The following UBR3 variants were observed in gnomAD, a reference collection of about 807,000 sequenced individuals.
The protein encoded by UBR3 is ubiquitin protein ligase E3 component n-recognin 3, also known as E3 ubiquitin-protein ligase UBR3.
In UBR3, 85 loss-of-function variants were observed where a neutral mutation model predicts 243.2. The ratio of observed to expected loss-of-function variants is 0.35; its 90% CI spans 0.29 to 0.42. The LOEUF (loss-of-function observed/expected upper bound fraction) is 0.42, where lower values mean the gene tolerates loss of function less well. Ranked by LOEUF, UBR3 falls within the 10% of genes least tolerant of loss-of-function variation. The pLI is 1.00. For synonymous variants in UBR3, 748 were observed against 799.8 expected (o/e 0.94, Z 1.09); for missense variants, 1,686 against 2,300.8 (o/e 0.73, Z 5.47).
rs1180235083 is a variant in UBR3, at chr2:169,986,639, C to T, written c.3635-6C>T. ...GAATTAAAGAGATGTAACTTTTTTCCCTCAGATTCTCCTGAGAATGATATT... is the reference window on the plus strand; with the variant it reads ...GAATTAAAGAGATGTAACTTTTTTCTCTCAGATTCTCCTGAGAATGATATT... On this transcript the variant is annotated splice_region_variant and splice_polypyrimidine_tract_variant and intron_variant, in intron 24 of 38. Transcript: ENST00000272793. The T allele has an allele frequency of 2.5e-6, 4 of 1,596,736 alleles. No homozygotes were observed. Among genetic ancestry groups the T allele is most frequent in the Non-Finnish European group, 2.6e-6 (3 of 1,173,376 alleles).
At position 169,852,718 on chromosome 2, in the gene UBR3, G is replaced by A. The variant is rs377708901; in HGVS notation, c.546-19518G>A. 1.1e-4 allele frequency among the ~76,000 whole-genome samples: 16 copies of A among 151,412 alleles called. No homozygotes were observed. The East Asian group carries it at 3.1e-3, about 29-fold the overall frequency. ...AAAAAAAAAAAAGCTGGGTGTGGTG[G>A]CAGATGCCTGTAATCCCAGCTATTC... On this transcript the variant is annotated intron_variant, in intron 1 of 38. Coordinates refer to ENST00000272793, the MANE Select transcript of UBR3 (RefSeq NM_172070.4).
At chr2:169,926,179 C>T (rs961464364) in intron 14 of UBR3, among the ~76,000 whole-genome samples, 4 of 152,212 alleles carry the variant, frequency 2.6e-5, no homozygotes, top group African/African-American at 9.6e-5. Context: ...GCATGACAGG[C>T]ATTTTCCCAA....
chr2:170,071,438 G>C (rs555878511), intron 35 of UBR3, among the ~76,000 whole-genome samples: 1 of 152,192 alleles, frequency 6.6e-6, no homozygotes, highest in African/African-American at 2.4e-5. Context: ...ATCAGTGGCT[G>C]TTTGGGTCCA....
chr2:170,023,687 G>A (rs1279079054), intron 30 of UBR3, among the ~76,000 whole-genome samples: 1 of 152,122 alleles, frequency 6.6e-6, no homozygotes, highest in Non-Finnish European at 1.5e-5. Flanking sequence ...CTGTCTCCCG[G>A]ATTCAAGCGA....
intron 6 of UBR3, 25 bp from the exon 7 acceptor site, chr2:169,895,156 G>T: frequency 6.7e-7 from 1 of 1,484,696 alleles, no homozygotes; most frequent in African/African-American, 1.4e-5. Flanking sequence ...ATCATTAACT[G>T]ATAAATTTCA....
intron 1 of UBR3, among the ~76,000 whole-genome samples, chr2:169,844,395 A>G (rs563269160): frequency 6.6e-6 from 1 of 151,756 alleles, no homozygotes; most frequent in African/African-American, 2.4e-5. Context: ...AAGTTTGTCC[A>G]TTTCATCTAA....
At position 169,880,554 on chromosome 2, in the gene UBR3, A is replaced by G. The variant is rs145702766; in HGVS notation, c.1038+1980A>G. Among the ~76,000 whole-genome samples the G allele has an allele frequency of 2.4e-3, 362 of 152,258 alleles. 1 individual carries two copies. Among genetic ancestry groups the G allele is most frequent in the African/African-American group, 8.2e-3 (342 of 41,554 alleles). On this transcript the variant is annotated intron_variant, in intron 5 of 38. Coordinates refer to ENST00000272793, the MANE Select transcript of UBR3 (RefSeq NM_172070.4). ...GGAGACTTTCATTGTACACAACTGC[A>G]TTGCAACAACATTCTATTTTATGGT...
intron 29 of UBR3, chr2:170,013,847 C>A: frequency 2.2e-6 from 1 of 461,036 alleles, no homozygotes. Context: ...ACAGATTAGG[C>A]AACAGAAGAT....
At chr2:169,880,361 C>T (rs1178088641) in intron 5 of UBR3, among the ~76,000 whole-genome samples, 1 of 152,180 alleles carries the variant, frequency 6.6e-6, no homozygotes, top group Non-Finnish European at 1.5e-5. Context: ...CATTATGTAT[C>T]CAACAGGCTT....
intron 20 of UBR3, among the ~76,000 whole-genome samples, chr2:169,944,683 C>CTTT (rs60784053): frequency 6.9e-6 from 1 of 144,584 alleles, no homozygotes. Context: ...ATTTTTATTT[C>CTTT]TTTTTTTTTT....
intron 24 of UBR3, among the ~76,000 whole-genome samples, chr2:169,963,266 G>A (rs2087662245): frequency 6.6e-6 from 1 of 152,060 alleles, no homozygotes; most frequent in South Asian, 2.1e-4. Flanking sequence ...TATACTTATG[G>A]CTCCTGTCTT....
chr2:170,041,892 A>G (rs182810815), intron 32 of UBR3, among the ~76,000 whole-genome samples: 2 of 152,374 alleles, frequency 1.3e-5, no homozygotes, highest in Non-Finnish European at 2.9e-5. Flanking sequence ...GTAAAACAAT[A>G]TCATTGATAA....
intron 6 of UBR3, among the ~76,000 whole-genome samples, chr2:169,892,638 G>C (rs1043520545): frequency 1.3e-5 from 2 of 152,174 alleles, no homozygotes; most frequent in African/African-American, 4.8e-5. Flanking sequence ...GAATGGCTTT[G>C]TGAATTAGAA....
rs375647384 is a variant in UBR3, at chr2:170,080,017, T to C, written c.5403T>C (p.Cys1801=). 1.2e-5 allele frequency: 20 copies of C among 1,612,540 alleles called. No individual in the cohort carries two copies. The highest frequency in any genetic ancestry group is 1.6e-5 in the Non-Finnish European group (19 of 1,179,568). ...LCCKQQSYCE[C]VLHSQNCGAG... is the part of the protein sequence containing the mutation. Reference sequence around the variant, plus strand: ...GCAAGCAACAAAGTTACTGTGAATGTGTACTGGTAAGCAATAGTAGATAAT... The same window carrying C: ...GCAAGCAACAAAGTTACTGTGAATGCGTACTGGTAAGCAATAGTAGATAAT... The change falls in exon 37 of 39, where the codon TGT becomes TGC. Residue 1801 remains cysteine, a synonymous_variant. Transcript: ENST00000272793.
At chr2:169,994,873 G>C (rs763470778) in intron 26 of UBR3, among the ~76,000 whole-genome samples, 9 of 152,076 alleles carry the variant, frequency 5.9e-5, no homozygotes, top group Non-Finnish European at 1.5e-5. Flanking sequence ...ACTTCTCAAA[G>C]ATGTGCTGCA....
intron 10 of UBR3, among the ~76,000 whole-genome samples, chr2:169,909,268 T>G (rs2085154316): frequency 6.6e-6 from 1 of 152,194 alleles, no homozygotes; most frequent in South Asian, 2.1e-4. Flanking sequence ...GAGAAGCCAC[T>G]GAAGATTTTT....
chr2:170,061,563 G>A, intron 35 of UBR3, 120 bp downstream of exon 35: 2 of 1,242,436 alleles, frequency 1.6e-6, no homozygotes, highest in Admixed American at 4.3e-5. Context: ...CGCCTGCCAG[G>A]TTCAAGCAAT....
chr2:170,055,911 G>A (rs538137840), intron 33 of UBR3, among the ~76,000 whole-genome samples: 84 of 151,584 alleles, frequency 5.5e-4, no homozygotes, highest in South Asian at 1.0e-3. Context: ...TATTTTATTC[G>A]CCACTTTTTC....
chr2:170,015,465 T>A, intron 30 of UBR3, 99 bp downstream of exon 30: 1 of 893,040 alleles, frequency 1.1e-6, no homozygotes, highest in African/African-American at 1.7e-5. Flanking sequence ...TTTTGTCTGT[T>A]ATATATGATC....
Sources: allele counts gnomAD v4.1 joint callset (sites outside exome capture counted in the v4.1 genomes callset), GRCh38; gene constraint gnomAD v4.1.1; transcripts MANE v1.5; gene names NCBI Gene and HGNC (gene_info 2026-07-23, HGNC 2026-07-21).